The following TLK1 variants were observed in gnomAD, a reference collection of about 807,000 sequenced individuals.
TLK1 encodes the protein serine/threonine-protein kinase tousled-like 1.
A neutral mutation model predicts 105.3 loss-of-function variants in TLK1; 24 were observed. The ratio of observed to expected loss-of-function variants is 0.23; its 90% CI spans 0.17 to 0.32. TLK1 has a LOEUF of 0.32. Among genes scored for constraint, TLK1 ranks in the 10% least tolerant of loss-of-function variants. TLK1 has a pLI of 1.00. For synonymous variants in TLK1, 321 were observed against 310.4 expected, an observed-to-expected ratio of 1.03 and a Z score of -0.36; for missense variants, 558 against 910.5, an observed-to-expected ratio of 0.61 and a Z score of 4.98.
chr2:171,051,810 C>G (rs1687254816), intron 8 of TLK1, among the ~76,000 whole-genome samples: 1 of 152,128 alleles, frequency 6.6e-6, no homozygotes, highest in Non-Finnish European at 1.5e-5. Context: ...GAAACAGATC[C>G]ACCTGTATAC....
chr2:171,191,109 G>C (rs1015252303), intron 1 of TLK1, among the ~76,000 whole-genome samples: 1 of 151,618 alleles, frequency 6.6e-6, no homozygotes, highest in Middle Eastern at 3.2e-3. Flanking sequence ...GCAATGAGTC[G>C]AGATCACGCC....
At position 171,204,952 on chromosome 2, in the gene TLK1, C is replaced by CA. The variant is rs1034407977; in HGVS notation, c.-6+26192dup. Among the ~76,000 whole-genome samples, 300 of 73,670 alleles carry CA rather than the reference C, an allele frequency of 4.1e-3. 1 individual carries two copies. The highest frequency in any genetic ancestry group is 0.013 in the African/African-American group (260 of 19,502). The allele number at this position is 73,670 out of a possible 152,430, so 48.3% of individuals were successfully genotyped here. A position where few individuals can be genotyped will look rare whatever the true frequency, so the allele number is the denominator to read the frequency against. Reference sequence around the variant, plus strand: ...TGGGTGATAGAGTGAGACTCCGTCTCAAAAAAAAAAGAAAAAAAAAGATTT... The same window carrying CA: ...TGGGTGATAGAGTGAGACTCCGTCTCAAAAAAAAAAAGAAAAAAAAAGATTT... On this transcript the variant is annotated intron_variant, in intron 1 of 20. Coordinates refer to the TLK1 transcript ENST00000521943.
At chr2:171,022,090 C>CAAACACACACAG (rs1553605641) in intron 12 of TLK1, among the ~76,000 whole-genome samples, 1 of 145,700 alleles carries the variant, frequency 6.9e-6, no homozygotes, top group East Asian at 2.0e-4. Flanking sequence ...GCGAAAAACA[C>CAAACACACACAG]ACACACACAC....
At chr2:171,016,164 T>A (rs896910871) in intron 12 of TLK1, among the ~76,000 whole-genome samples, 15 of 152,144 alleles carry the variant, frequency 9.9e-5, no homozygotes, top group African/African-American at 3.6e-4. Context: ...TAGCCCAATT[T>A]CTTTTTTCAC....
At chr2:171,228,714 T>A (rs1693941505) in intron 1 of TLK1, among the ~76,000 whole-genome samples, 1 of 152,216 alleles carries the variant, frequency 6.6e-6, no homozygotes, top group Admixed American at 6.5e-5. Flanking sequence ...GAGTTGTCTG[T>A]GTTGTTCTGA....
chr2:171,122,324 T>C (rs1690687699), intron 1 of TLK1, among the ~76,000 whole-genome samples: 1 of 152,314 alleles, frequency 6.6e-6, no homozygotes, highest in East Asian at 1.9e-4. Context: ...TCCTGGCACA[T>C]AATAGGTGCT....
chr2:171,070,472 C>G (rs545877080), intron 3 of TLK1, among the ~76,000 whole-genome samples: 12 of 152,252 alleles, frequency 7.9e-5, no homozygotes, highest in Non-Finnish European at 1.0e-4. Flanking sequence ...CCTCTTTCCC[C>G]ATAAGTTGCA....
At chr2:171,209,749 G>A (rs983657756) in intron 1 of TLK1, among the ~76,000 whole-genome samples, 6 of 152,130 alleles carry the variant, frequency 3.9e-5, no homozygotes, top group East Asian at 1.9e-4. Context: ...GAATATGTAC[G>A]AAGTGAAGAC....
intron 12 of TLK1, among the ~76,000 whole-genome samples, chr2:171,021,770 T>C (rs1685520457): frequency 2.0e-5 from 3 of 152,074 alleles, no homozygotes; most frequent in Non-Finnish European, 4.4e-5. Context: ...CCAAAATGTT[T>C]TAAATTCCAT....
rs186945420 is a variant in TLK1, at chr2:171,124,336, T to C, written c.140-6479A>G. The stretch of plus-strand genomic sequence containing the variant: ...TTGAAATCTTAGGTTAAATTCATTT[T>C]AAAAACATTACTCAATCTTCACAAA... On this transcript the variant is annotated intron_variant, in intron 1 of 20. Coordinates refer to ENST00000431350, the MANE Select transcript of TLK1 (RefSeq NM_012290.5). 1.3e-3 allele frequency among the ~76,000 whole-genome samples: 195 copies of C among 152,344 alleles called. 2 individuals carry two copies. Among genetic ancestry groups the C allele is most frequent in the Admixed American group, 0.012 (180 of 15,298 alleles).
chr2:171,076,284 G>C (rs1273968364), intron 3 of TLK1, among the ~76,000 whole-genome samples: 1 of 151,934 alleles, frequency 6.6e-6, no homozygotes, highest in African/African-American at 2.4e-5. Context: ...TGTGGGGATG[G>C]GTTCGTTACT....
At chr2:171,092,243 A>C (rs954854326) in intron 2 of TLK1, among the ~76,000 whole-genome samples, 4 of 152,228 alleles carry the variant, frequency 2.6e-5, no homozygotes, top group Non-Finnish European at 5.9e-5. Flanking sequence ...AAAGAAAAAA[A>C]ATCCATATTG....
At chr2:171,059,981 G>A (rs1462675335) in intron 4 of TLK1, 3 of 1,612,450 alleles carry the variant, frequency 1.9e-6, no homozygotes, top group Non-Finnish European at 2.5e-6. Flanking sequence ...GGGAGGTTGG[G>A]GAACCCTGCA....
At chr2:171,193,402 T>G (rs1479100244) in intron 1 of TLK1, among the ~76,000 whole-genome samples, 5 of 149,058 alleles carry the variant, frequency 3.4e-5, no homozygotes, top group African/African-American at 1.2e-4. Flanking sequence ...AGTTTTTCGT[T>G]TTTTTTTTTT....
intron 1 of TLK1, among the ~76,000 whole-genome samples, chr2:171,193,550 C>T (rs1395688287): frequency 7.9e-5 from 12 of 151,610 alleles, no homozygotes; most frequent in Non-Finnish European, 1.6e-4. Context: ...GCGCCCGCCA[C>T]CACGCCCGGC....
intron 1 of TLK1, among the ~76,000 whole-genome samples, chr2:171,225,968 G>A (rs936726446): frequency 6.6e-6 from 1 of 151,956 alleles, no homozygotes; most frequent in Non-Finnish European, 1.5e-5. Flanking sequence ...AGATTTTCTG[G>A]TATTAGGTTT....
At chr2:171,021,635 T>C (rs56116524) in intron 12 of TLK1, among the ~76,000 whole-genome samples, 2,917 of 152,198 alleles carry the variant, frequency 0.019, 34 homozygotes, top group Admixed American at 0.029. Context: ...ACAGTTATGA[T>C]TGGGAAGGGC....
At chr2:171,092,750 G>A (rs1689290522) in intron 2 of TLK1, among the ~76,000 whole-genome samples, 1 of 152,070 alleles carries the variant, frequency 6.6e-6, no homozygotes, top group Non-Finnish European at 1.5e-5. Context: ...TGAGGGCAAG[G>A]ATTTTGTCCT....
At chr2:171,212,062 T>A (rs551853903) in intron 1 of TLK1, among the ~76,000 whole-genome samples, 150 of 150,892 alleles carry the variant, frequency 9.9e-4, no homozygotes, top group Non-Finnish European at 1.8e-3. Flanking sequence ...GCCAGGCTGG[T>A]CTCGAACTCC....
Sources: allele counts gnomAD v4.1 joint callset (sites outside exome capture counted in the v4.1 genomes callset), GRCh38; gene constraint gnomAD v4.1.1; transcripts MANE v1.5; gene names NCBI Gene and HGNC (gene_info 2026-07-23, HGNC 2026-07-21).